Variants in THADA observed in about 807,000 individuals in gnomAD.
The protein encoded by THADA is THADA armadillo repeat containing, also known as tRNA (32-2'-O)-methyltransferase regulator THADA.
In THADA, 213 loss-of-function variants were observed where a neutral mutation model predicts 219.8. The ratio of observed to expected loss-of-function variants is 0.97; its 90% CI spans 0.87 to 1.09. The LOEUF (loss-of-function observed/expected upper bound fraction) is 1.09. Ranked by LOEUF, THADA falls within the 50% of genes least tolerant of loss-of-function variation. The probability of loss-of-function intolerance (pLI) is 0.00; values close to 1 mark genes in which losing one functional copy is unlikely to be tolerated. For synonymous variants in THADA, 1,018 were observed against 828.9 expected (o/e 1.23, Z -3.92); for missense variants, 2,956 against 2,311.3 (o/e 1.28, Z -5.72).
chr2:43,420,578 A>G (rs899571056), intron 28 of THADA, among the ~76,000 whole-genome samples: 1 of 152,232 alleles, frequency 6.6e-6, no homozygotes, highest in African/African-American at 2.4e-5. Context: ...GATAACAGAT[A>G]ACACTGAAGA....
At chr2:43,535,687 AAAAAAAAAAAAAAG>A (rs1237189539) in intron 21 of THADA, among the ~76,000 whole-genome samples, 5 of 151,318 alleles carry the variant, frequency 3.3e-5, no homozygotes, top group African/African-American at 1.2e-4. Context: ...AAAAAAAAAA[AAAAAAAAAAAAAAG>A]AAAAAATCTT....
chr2:43,525,824 A>T (rs1197530253), intron 22 of THADA, among the ~76,000 whole-genome samples: 1 of 152,160 alleles, frequency 6.6e-6, no homozygotes, highest in East Asian at 1.9e-4. Context: ...CTATGTGGGG[A>T]CAAAAGTTAA....
intron 23 of THADA, among the ~76,000 whole-genome samples, chr2:43,507,695 T>C (rs977741821): frequency 6.6e-5 from 10 of 152,188 alleles, no homozygotes; most frequent in African/African-American, 1.7e-4. Flanking sequence ...CTTCATTCCA[T>C]TTATTTTCAG....
chr2:43,414,150 T>C (rs557868408), intron 28 of THADA, among the ~76,000 whole-genome samples: 14 of 152,244 alleles, frequency 9.2e-5, no homozygotes, highest in African/African-American at 2.9e-4. Context: ...AATCCATAAA[T>C]GATTGGATGA....
chr2:43,318,660 A>G (rs1678350358), intron 31 of THADA, among the ~76,000 whole-genome samples: 1 of 152,198 alleles, frequency 6.6e-6, no homozygotes, highest in African/African-American at 2.4e-5. Context: ...TCCTGTCCTC[A>G]CATCTTACTC....
At chr2:43,333,393 T>C (rs921286815) in intron 30 of THADA, 1 of 151,484 alleles carries the variant, frequency 6.6e-6, no homozygotes, top group African/African-American at 2.4e-5. Flanking sequence ...TAAAGACGGG[T>C]CCTAATGAGA....
At chr2:43,400,348 AG>A (rs1410377584) in intron 28 of THADA, among the ~76,000 whole-genome samples, 1 of 151,848 alleles carries the variant, frequency 6.6e-6, no homozygotes, top group African/African-American at 2.4e-5. Flanking sequence ...TTACCAAAAA[AG>A]AAGCCAATTC....
chr2:43,250,607 G>A (rs143760843), intron 36 of THADA, among the ~76,000 whole-genome samples: 5 of 152,218 alleles, frequency 3.3e-5, no homozygotes, highest in South Asian at 4.1e-4. Context: ...GCTCACACCC[G>A]TAATCCCAAA....
At chr2:43,570,724 T>C (rs1336328367) in intron 13 of THADA, among the ~76,000 whole-genome samples, 1 of 152,210 alleles carries the variant, frequency 6.6e-6, no homozygotes, top group East Asian at 1.9e-4. Flanking sequence ...AAACCACAAT[T>C]CTGTTTCCTT....
intron 22 of THADA, among the ~76,000 whole-genome samples, chr2:43,526,656 C>A (rs1161350110): frequency 6.6e-6 from 1 of 152,204 alleles, no homozygotes; most frequent in African/African-American, 2.4e-5. Flanking sequence ...CACACATCCA[C>A]ACACAGAGAG....
chr2:43,539,782 CCTGT>C (rs1233147705), intron 21 of THADA, among the ~76,000 whole-genome samples: 25 of 151,896 alleles, frequency 1.6e-4, no homozygotes, highest in Admixed American at 3.9e-4. Flanking sequence ...TTTATAAGAA[CCTGT>C]CTTTTTGTGA....
intron 36 of THADA, among the ~76,000 whole-genome samples, chr2:43,269,036 A>C (rs1671840641): frequency 6.6e-6 from 1 of 152,240 alleles, no homozygotes; most frequent in Non-Finnish European, 1.5e-5. Flanking sequence ...CACAGTGAAG[A>C]GAAATCCTGC....
At chr2:43,404,776 G>C (rs1469288316) in intron 28 of THADA, among the ~76,000 whole-genome samples, 20 of 150,354 alleles carry the variant, frequency 1.3e-4, no homozygotes, top group Non-Finnish European at 2.2e-4. Flanking sequence ...GTTTACATCT[G>C]AGTTCTGACA....
intron 36 of THADA, among the ~76,000 whole-genome samples, chr2:43,233,809 G>A (rs1009354629): frequency 8.5e-5 from 13 of 152,110 alleles, no homozygotes; most frequent in African/African-American, 1.7e-4. Context: ...AACCTGGAGG[G>A]TGTCTGAAAC....
chr2:43,568,095 C>G (rs1323373190), intron 14 of THADA, among the ~76,000 whole-genome samples: 1 of 152,144 alleles, frequency 6.6e-6, no homozygotes, highest in Non-Finnish European at 1.5e-5. Context: ...CTGACTCTAC[C>G]ACTTACTAGC....
chr2:43,395,139 G>T (rs1046316702), intron 29 of THADA, among the ~76,000 whole-genome samples: 2 of 152,192 alleles, frequency 1.3e-5, no homozygotes, highest in Non-Finnish European at 2.9e-5. Context: ...GAGAGCCCAA[G>T]AAGCAACTCC....
Position 43,398,528 on chromosome 2 carries a change from C to T in THADA, c.4059-389G>A, listed in dbSNP as rs139841761. On this transcript the variant is annotated intron_variant, in intron 28 of 37. Coordinates refer to ENST00000405975, the MANE Select transcript of THADA (RefSeq NM_022065.5). ...TTTGAAGAGCCCATACTTTGGTTGG[C>T]CAGAGGAAAAGTACATTTGAAAAAA... Among the ~76,000 whole-genome samples, 35 of 152,018 alleles carry T rather than the reference C, an allele frequency of 2.3e-4. 1 individual carries two copies. Among genetic ancestry groups the T allele is most frequent in the African/African-American group, 4.6e-4 (19 of 41,468 alleles).
rs1683304064 is a variant in THADA at position 43,458,799 on chromosome 2, G to C, written c.3836+26435C>G. ...ATTTAAATATCTAATATTAATTTGA[G>C]ATTCCTAAAGGGGGATGTATATATG... On this transcript the variant is annotated intron_variant, in intron 26 of 37. Coordinates refer to ENST00000405975, the MANE Select transcript of THADA (RefSeq NM_022065.5). Among the ~76,000 whole-genome samples the C allele has an allele frequency of 2.6e-5, 4 of 152,244 alleles. No individual in the cohort carries two copies. The South Asian group carries it at 8.3e-4, about 32-fold the overall frequency.
At chr2:43,238,773 A>T (rs2104044105) in intron 36 of THADA, among the ~76,000 whole-genome samples, 1 of 152,250 alleles carries the variant, frequency 6.6e-6, no homozygotes, top group East Asian at 1.9e-4. Context: ...ATGGAATAGT[A>T]ATCAGCCACA....
Sources: gnomAD v4.1 joint callset for allele counts (sites outside exome capture counted in the v4.1 genomes callset) on GRCh38, gnomAD v4.1.1 for gene constraint, MANE v1.5 for transcripts, NCBI Gene and HGNC (gene_info 2026-07-23, HGNC 2026-07-21) for gene names.